The following COL23A1 variants were observed in gnomAD, a reference collection of about 807,000 sequenced individuals.
The protein encoded by COL23A1 is collagen type XXIII alpha 1 chain.
COL23A1 carries 97 observed loss-of-function variants against 99.3 expected under a neutral mutation model. The observed-to-expected ratio is 0.98, with a 90% confidence interval of 0.83 to 1.16. The LOEUF is 1.16. Ranked by LOEUF, COL23A1 falls within the 50% of genes most tolerant of loss-of-function variation. The pLI, the probability that COL23A1 is intolerant of heterozygous loss-of-function variation, is 0.00. For missense variants in COL23A1, 762 were observed against 757.4 expected (o/e 1.01, Z -0.07); for synonymous variants, 320 against 308.2 (o/e 1.04, Z -0.40).
chr5:178,581,373 C>G (rs1312649696), intron 1 of COL23A1, among the ~76,000 whole-genome samples: 2 of 152,044 alleles, frequency 1.3e-5, no homozygotes, highest in Non-Finnish European at 2.9e-5. Flanking sequence ...CAAGACCATC[C>G]TGGCCAACAT....
chr5:178,557,763 T>C (rs1045239976), intron 2 of COL23A1, among the ~76,000 whole-genome samples: 4 of 152,014 alleles, frequency 2.6e-5, no homozygotes, highest in Admixed American at 1.3e-4. Flanking sequence ...CCGGGAAGAA[T>C]AGGAATGAGT....
chr5:178,261,927 G>C (rs761976066), intron 10 of COL23A1, among the ~76,000 whole-genome samples, 179 bp from the exon 11 acceptor site: 12 of 152,244 alleles, frequency 7.9e-5, no homozygotes, highest in Non-Finnish European at 1.8e-4. Context: ...GCCTGGGACA[G>C]CTTCTGCATT....
intron 2 of COL23A1, among the ~76,000 whole-genome samples, chr5:178,362,555 C>A (rs78260910): frequency 0.045 from 6,864 of 152,222 alleles, 366 homozygotes; most frequent in African/African-American, 0.13. Flanking sequence ...TTAGCCTCTC[C>A]CACCCACCCT....
chr5:178,364,964 T>C (rs1762382593), intron 2 of COL23A1, among the ~76,000 whole-genome samples: 1 of 152,190 alleles, frequency 6.6e-6, no homozygotes, highest in Non-Finnish European at 1.5e-5. Context: ...TCCGAGCTGC[T>C]CACTCACAAC....
At chr5:178,278,736 T>A (rs1218038482) in intron 5 of COL23A1, among the ~76,000 whole-genome samples, 2 of 152,116 alleles carry the variant, frequency 1.3e-5, no homozygotes, top group African/African-American at 2.4e-5. Context: ...ATCCTGATGA[T>A]GAGGTCCTGC....
At position 178,539,928 on chromosome 5, in the gene COL23A1, T is replaced by C. The variant is rs187031888; in HGVS notation, c.361+20754A>G. On this transcript the variant is annotated intron_variant, in intron 2 of 28. Coordinates refer to ENST00000390654, the MANE Select transcript of COL23A1 (RefSeq NM_173465.4). The stretch of plus-strand genomic sequence containing the variant: ...TAATATATCCCATCCAACTGGCGTT[T>C]ATTCCAGGAATGCAAGCGTGGTTAC... 2.0e-5 allele frequency among the ~76,000 whole-genome samples: 3 copies of C among 152,378 alleles called. No homozygotes were observed. In the East Asian group the frequency reaches 5.8e-4, roughly 29 times the overall value.
At chr5:178,578,132 CAT>C (rs58400191) in intron 1 of COL23A1, among the ~76,000 whole-genome samples, 18,931 of 151,624 alleles carry the variant, frequency 0.12, 1,677 homozygotes, top group East Asian at 0.39. Context: ...CACACACACA[CAT>C]GCATGCACAC....
chr5:178,503,029 C>T (rs1758660558), intron 2 of COL23A1, among the ~76,000 whole-genome samples: 1 of 152,188 alleles, frequency 6.6e-6, no homozygotes, highest in South Asian at 2.1e-4. Context: ...AAACCCAGAA[C>T]AATGAGCTTT....
chr5:178,257,370 G>C (rs1337942013), intron 13 of COL23A1, among the ~76,000 whole-genome samples, 153 bp downstream of exon 13: 2 of 152,180 alleles, frequency 1.3e-5, no homozygotes, highest in Non-Finnish European at 2.9e-5. Flanking sequence ...TTGTGTGGTG[G>C]GGCCGCGGCC....
chr5:178,369,810 A>G (rs960056703), intron 2 of COL23A1, among the ~76,000 whole-genome samples: 1 of 152,212 alleles, frequency 6.6e-6, no homozygotes, highest in Non-Finnish European at 1.5e-5. Context: ...GCCCAGTCTC[A>G]GGTATGTCTT....
intron 2 of COL23A1, among the ~76,000 whole-genome samples, chr5:178,498,033 A>ACAACAGTACCCAACAT (rs1758284121): frequency 6.6e-6 from 1 of 151,276 alleles, no homozygotes; most frequent in Non-Finnish European, 1.5e-5. Flanking sequence ...CCTATGTACA[A>ACAACAGTACCCAACAT]CAACAGTACC....
At chr5:178,373,715 C>T (rs1328813396) in intron 2 of COL23A1, among the ~76,000 whole-genome samples, 1 of 152,214 alleles carries the variant, frequency 6.6e-6, no homozygotes, top group Non-Finnish European at 1.5e-5. Context: ...CGTCCTTGGC[C>T]CTGCCGTGCA....
intron 2 of COL23A1, among the ~76,000 whole-genome samples, chr5:178,539,473 G>A (rs551069359): frequency 1.2e-4 from 18 of 149,638 alleles, no homozygotes; most frequent in East Asian, 2.0e-4. Flanking sequence ...TTGAACCCGG[G>A]AGGCGGAGGT....
intron 2 of COL23A1, among the ~76,000 whole-genome samples, chr5:178,521,896 G>T (rs1236281638): frequency 6.6e-6 from 1 of 152,190 alleles, no homozygotes; most frequent in Non-Finnish European, 1.5e-5. Flanking sequence ...GTTTCTGTTT[G>T]GAGTTATGGA....
At chr5:178,394,547 A>G (rs1374349571) in intron 2 of COL23A1, among the ~76,000 whole-genome samples, 1 of 152,210 alleles carries the variant, frequency 6.6e-6, no homozygotes, top group Non-Finnish European at 1.5e-5. Flanking sequence ...CGGCCTCAAC[A>G]TGGTGTTCAC....
chr5:178,400,424 C>T (rs1419926243), intron 2 of COL23A1, among the ~76,000 whole-genome samples: 3 of 149,250 alleles, frequency 2.0e-5, no homozygotes, highest in African/African-American at 7.4e-5. Flanking sequence ...TTTTGGTGCA[C>T]CGTTCTTTGT....
At chr5:178,427,216 G>A (rs945339406) in intron 2 of COL23A1, among the ~76,000 whole-genome samples, 4 of 152,090 alleles carry the variant, frequency 2.6e-5, no homozygotes, top group South Asian at 2.1e-4. Flanking sequence ...TAATGATGAT[G>A]AGATACCACT....
intron 2 of COL23A1, among the ~76,000 whole-genome samples, chr5:178,515,958 C>T (rs537799879): frequency 4.7e-4 from 72 of 152,264 alleles, no homozygotes; most frequent in African/African-American, 1.7e-3. Context: ...CGCCTCTGCA[C>T]GCCCTTCCCT....
chr5:178,423,481 A>G (rs1765744635), intron 2 of COL23A1, among the ~76,000 whole-genome samples: 1 of 152,124 alleles, frequency 6.6e-6, no homozygotes, highest in African/African-American at 2.4e-5. Flanking sequence ...TTTGTGCCAG[A>G]TGAATTTGCC....
Sources: allele counts gnomAD v4.1 joint callset (sites outside exome capture counted in the v4.1 genomes callset), GRCh38; gene constraint gnomAD v4.1.1; transcripts MANE v1.5; gene names NCBI Gene and HGNC (gene_info 2026-07-23, HGNC 2026-07-21).